MAN1A2: variants seen among roughly 807,000 people sequenced by gnomAD.
MAN1A2 encodes mannosyl-oligosaccharide 1,2-alpha-mannosidase IB.
In MAN1A2, 26 loss-of-function variants were observed where a neutral mutation model predicts 75.7. The ratio of observed to expected loss-of-function variants is 0.34; its 90% CI spans 0.25 to 0.48. The LOEUF is 0.48. Ranked by LOEUF, MAN1A2 falls within the 20% of genes least tolerant of loss-of-function variation. The pLI, the probability that MAN1A2 is intolerant of heterozygous loss-of-function variation, is 0.99. For missense variants in MAN1A2, 562 were observed against 775.5 expected, an observed-to-expected ratio of 0.72 and a Z score of 3.27; for synonymous variants, 247 against 264.6, an observed-to-expected ratio of 0.93 and a Z score of 0.65.
chr1:117,483,794 G>A (rs529091736), intron 8 of MAN1A2, among the ~76,000 whole-genome samples: 6 of 152,092 alleles, frequency 3.9e-5, no homozygotes, highest in South Asian at 4.2e-4. Context: ...GGTGAGAGAG[G>A]GCATCCTTGT....
intron 9 of MAN1A2, among the ~76,000 whole-genome samples, chr1:117,496,127 C>T (rs74336497): frequency 4.6e-5 from 7 of 151,544 alleles, no homozygotes; most frequent in South Asian, 2.1e-4. Flanking sequence ...TAAAAATACT[C>T]TTTTTTCAGA....
intron 1 of MAN1A2, among the ~76,000 whole-genome samples, chr1:117,400,758 T>C (rs1647396801): frequency 6.6e-6 from 1 of 152,242 alleles, no homozygotes; most frequent in African/African-American, 2.4e-5. Flanking sequence ...TGTTTATTTT[T>C]GGAGGATATC....
chr1:117,382,910 T>C (rs79180115), intron 1 of MAN1A2, among the ~76,000 whole-genome samples: 16,797 of 151,606 alleles, frequency 0.11, 1,012 homozygotes, highest in Non-Finnish European at 0.14. Context: ...AATTGACTTA[T>C]TAGCTCTATT....
chr1:117,524,467 T>C lies in MAN1A2; in HGVS notation c.*1510T>C, dbSNP rs1651952602. 1 of 151,772 alleles carries C rather than the reference T, an allele frequency of 6.6e-6. No individual in the cohort carries two copies. Among genetic ancestry groups the C allele is most frequent in the Non-Finnish European group, 1.5e-5 (1 of 67,786 alleles). The allele number at this position is 151,772 out of a possible 1,614,324, so 9.4% of individuals were successfully genotyped here. A position where few individuals can be genotyped will look rare whatever the true frequency, so the allele number is the denominator to read the frequency against. On this transcript the variant is annotated 3_prime_UTR_variant, in exon 13 of 13. Transcript: ENST00000356554. ...TAAAACTTAGAAACAGTATAATTAG[T>C]ATAACATTTACTCTGAATTTGAAGA...
At chr1:117,464,302 T>C (rs1389482926) in intron 7 of MAN1A2, among the ~76,000 whole-genome samples, 4 of 143,228 alleles carry the variant, frequency 2.8e-5, no homozygotes, top group Non-Finnish European at 1.5e-5. Context: ...GAGGTTGCAA[T>C]GAACTGAGAT....
intron 8 of MAN1A2, 32 bp downstream of exon 8, chr1:117,466,459 A>T: frequency 7.2e-7 from 1 of 1,388,848 alleles, no homozygotes; most frequent in South Asian, 1.3e-5. Flanking sequence ...AGGCTTTCTT[A>T]AAAAATTATT....
chr1:117,430,313 C>G (rs1416971751), intron 5 of MAN1A2, among the ~76,000 whole-genome samples: 3 of 133,868 alleles, frequency 2.2e-5, no homozygotes, highest in African/African-American at 5.8e-5. Flanking sequence ...GGGGCTGACC[C>G]CCCCCACCTC....
At position 117,480,214 on chromosome 1, in the gene MAN1A2, T is replaced by G. The variant is rs373728221; in HGVS notation, c.1169-12933T>G. Among the ~76,000 whole-genome samples, 17 of 151,924 alleles carry G rather than the reference T, an allele frequency of 1.1e-4. No individual in the cohort carries two copies. The South Asian group carries it at 3.3e-3, about 30-fold the overall frequency. On this transcript the variant is annotated intron_variant, in intron 8 of 12. Coordinates refer to ENST00000356554, the MANE Select transcript of MAN1A2 (RefSeq NM_006699.5). ...GGGTTCTCTTTCTTTGCACATTTGTTCTCTCTGGTATACTATCCTATAAAC... is the reference window on the plus strand; with the variant it reads ...GGGTTCTCTTTCTTTGCACATTTGTGCTCTCTGGTATACTATCCTATAAAC...
chr1:117,402,039 G>A (rs1647447824), intron 1 of MAN1A2, 147 bp from the exon 2 acceptor site: 2 of 687,930 alleles, frequency 2.9e-6, no homozygotes, highest in South Asian at 4.3e-5. Context: ...AGATCTGAAT[G>A]TGTCTCACTG....
chr1:117,441,682 A>G (rs1012636383), intron 5 of MAN1A2, among the ~76,000 whole-genome samples: 1 of 152,190 alleles, frequency 6.6e-6, no homozygotes, highest in African/African-American at 2.4e-5. Context: ...TATTTAGGCA[A>G]TTATTTTTGG....
chr1:117,499,989 A>G (rs999249782), intron 11 of MAN1A2, among the ~76,000 whole-genome samples: 2 of 151,792 alleles, frequency 1.3e-5, no homozygotes, highest in African/African-American at 2.4e-5. Context: ...TATGGTGACT[A>G]TTCGTATTCA....
intron 9 of MAN1A2, chr1:117,494,733 A>T (rs1650986352): frequency 6.6e-6 from 1 of 152,022 alleles, no homozygotes; most frequent in Non-Finnish European, 1.5e-5. Flanking sequence ...ATTTAAACGT[A>T]GAAAGTTGTA....
intron 12 of MAN1A2, chr1:117,514,793 C>A: frequency 1.9e-6 from 1 of 529,800 alleles, no homozygotes; most frequent in Non-Finnish European, 3.9e-6. Context: ...GACTGAAAAA[C>A]AAAGCCACTA....
At chr1:117,386,289 T>C (rs1653522989) in intron 1 of MAN1A2, among the ~76,000 whole-genome samples, 1 of 152,204 alleles carries the variant, frequency 6.6e-6, no homozygotes, top group Non-Finnish European at 1.5e-5. Context: ...CTAGACTCTA[T>C]CCTTTCAGCA....
intron 8 of MAN1A2, among the ~76,000 whole-genome samples, chr1:117,484,449 G>A (rs1279151081): frequency 6.6e-6 from 1 of 151,836 alleles, no homozygotes; most frequent in Non-Finnish European, 1.5e-5. Context: ...ACTTCATATG[G>A]GTCCCATGGT....
chr1:117,470,338 A>G (rs1165983061), intron 8 of MAN1A2, among the ~76,000 whole-genome samples: 1 of 152,048 alleles, frequency 6.6e-6, no homozygotes. Context: ...AAGAAAATGG[A>G]GAGTTATTGC....
intron 8 of MAN1A2, among the ~76,000 whole-genome samples, chr1:117,469,286 A>G (rs1376984849): frequency 6.6e-6 from 1 of 152,162 alleles, no homozygotes; most frequent in Non-Finnish European, 1.5e-5. Flanking sequence ...CCCTTACTCT[A>G]TATTATCTAC....
intron 5 of MAN1A2, among the ~76,000 whole-genome samples, chr1:117,434,903 T>C (rs1389204337): frequency 6.6e-6 from 1 of 151,814 alleles, no homozygotes; most frequent in Non-Finnish European, 1.5e-5. Context: ...CAGGGTATTT[T>C]GGAGATAAAT....
At chr1:117,431,202 GGA>G (rs1648643604) in intron 5 of MAN1A2, among the ~76,000 whole-genome samples, 3 of 18,962 alleles carry the variant, frequency 1.6e-4, no homozygotes, top group African/African-American at 4.9e-4. Flanking sequence ...AGAGGGAGGG[GGA>G]GGGGGAGGGG....
Sources: gnomAD v4.1 joint callset for allele counts (sites outside exome capture counted in the v4.1 genomes callset) on GRCh38, gnomAD v4.1.1 for gene constraint, MANE v1.5 for transcripts, NCBI Gene and HGNC (gene_info 2026-07-23, HGNC 2026-07-21) for gene names.